Variants in PSME4 observed in about 807,000 individuals in gnomAD.
The protein encoded by PSME4 is proteasome activator complex subunit 4.
In PSME4, 89 loss-of-function variants were observed where a neutral mutation model predicts 253.9. The observed-to-expected ratio is 0.35, with a 90% CI of 0.30 to 0.42. PSME4 has a LOEUF of 0.42. Among genes scored for constraint, PSME4 ranks in the 10% least tolerant of loss-of-function variants. The probability of loss-of-function intolerance (pLI) is 1.00; values close to 1 mark genes in which losing one functional copy is unlikely to be tolerated. For missense variants in PSME4, 2,014 were observed against 2,195.2 expected (o/e 0.92, Z 1.65); for synonymous variants, 851 against 759.2 (o/e 1.12, Z -1.99).
At chr2:53,877,362 A>G (rs1679184791) in intron 41 of PSME4, among the ~76,000 whole-genome samples, 1 of 151,890 alleles carries the variant, frequency 6.6e-6, no homozygotes, top group Non-Finnish European at 1.5e-5. Context: ...ACAGTGAGCT[A>G]TGATCACAGC....
chr2:53,895,575 T>G lies in PSME4; in HGVS notation c.3842+8A>C. ...ATTTAATGATAAGGTGCACAGTAAGTTACTTACTTTGGCCAGGTGTAGTAT... is the reference window on the plus strand; with the variant it reads ...ATTTAATGATAAGGTGCACAGTAAGGTACTTACTTTGGCCAGGTGTAGTAT... On this transcript the variant is annotated splice_region_variant and intron_variant, in intron 33 of 46. Transcript: ENST00000404125. 1 of 1,603,738 alleles carries G rather than the reference T, an allele frequency of 6.2e-7. No homozygotes were observed. Among genetic ancestry groups the G allele is most frequent in the South Asian group, 1.1e-5 (1 of 88,776 alleles).
At chr2:53,923,730 C>T (rs191562589) in intron 14 of PSME4, among the ~76,000 whole-genome samples, 37 of 151,988 alleles carry the variant, frequency 2.4e-4, no homozygotes, top group African/African-American at 8.7e-4. Flanking sequence ...CAAGACCAGC[C>T]TGGCCAACAT....
rs377456184 is a variant in PSME4, at chr2:53,885,724, G to C, written c.4781C>G (p.Thr1594Arg). Residue 1594 changes from threonine (T) to arginine (R), a missense_variant, in exon 41 of 47, where the codon ACA becomes AGA. Thr to Arg is a moderately conservative substitution (Grantham distance 71). Around this residue, in one of 4 missense-constraint regions of PSME4, gnomAD observed 403 missense variants for 556.1 expected, o/e 0.72. Coordinates refer to ENST00000404125, the MANE Select transcript of PSME4 (RefSeq NM_014614.3). ...SAGRSFSTAVTEQLQLLPLFF... is the reference protein window; with the variant it reads ...SAGRSFSTAVREQLQLLPLFF... ...CAAAGGTAGAAGCTGAAGTTGTTCT[G>C]TAACTGCTGTAGAAAAGGATCTTCC... The C allele has an allele frequency of 1.9e-6, 3 of 1,612,972 alleles. No individual in the cohort carries two copies. The African/African-American group carries it at 4.0e-5, about 22-fold the overall frequency.
chr2:53,916,824 A>T (rs1231330205), intron 20 of PSME4, among the ~76,000 whole-genome samples: 1 of 152,166 alleles, frequency 6.6e-6, no homozygotes, highest in African/African-American at 2.4e-5. Flanking sequence ...AGCTGAAGGT[A>T]ATGCTAGTTA....
intron 43 of PSME4, among the ~76,000 whole-genome samples, chr2:53,872,684 G>C (rs1487409806): frequency 7.4e-6 from 1 of 135,058 alleles, no homozygotes; most frequent in African/African-American, 2.8e-5. Context: ...AGAGGCTGCA[G>C]TGAGCCATAA....
At chr2:53,887,727 T>A in intron 39 of PSME4, 131 bp downstream of exon 39, 3 of 1,209,204 alleles carry the variant, frequency 2.5e-6, no homozygotes, top group Non-Finnish European at 3.4e-6. Context: ...CACGACACAA[T>A]AGCAAACAAT....
At chr2:53,890,066 T>A (rs753774664) in intron 37 of PSME4, 38 bp downstream of exon 37, 1 of 1,433,578 alleles carries the variant, frequency 7.0e-7, no homozygotes, top group East Asian at 2.3e-5. Context: ...ACAGTTTGAA[T>A]AGATCAGTTA....
At chr2:53,965,192 C>T (rs894615671) in intron 1 of PSME4, among the ~76,000 whole-genome samples, 1 of 152,008 alleles carries the variant, frequency 6.6e-6, no homozygotes, top group Non-Finnish European at 1.5e-5. Context: ...CCCGCCCTTT[C>T]CTCCAGACCA....
chr2:53,891,124 T>C (rs1489568464), intron 36 of PSME4, among the ~76,000 whole-genome samples: 2 of 152,242 alleles, frequency 1.3e-5, no homozygotes, highest in Admixed American at 1.3e-4. Flanking sequence ...AATCAAGTTT[T>C]CCATGTTTAT....
chr2:53,915,992 T>G lies in PSME4; in HGVS notation c.2516+3159A>C, dbSNP rs552710969. Among the ~76,000 whole-genome samples, 129 of 152,234 alleles carry G rather than the reference T, an allele frequency of 8.5e-4. 1 individual carries two copies. Among genetic ancestry groups the G allele is most frequent in the African/African-American group, 3.0e-3 (124 of 41,542 alleles). On this transcript the variant is annotated intron_variant, in intron 20 of 46. Coordinates refer to ENST00000404125, the MANE Select transcript of PSME4 (RefSeq NM_014614.3). ...TGAGAATGTGAGGCAGGATAATCGC[T>G]TGAACCCGGAAGGCAGAGGTTGCAG...
At chr2:53,963,958 A>G (rs1406293070) in intron 1 of PSME4, among the ~76,000 whole-genome samples, 1 of 152,206 alleles carries the variant, frequency 6.6e-6, no homozygotes, top group African/African-American at 2.4e-5. Context: ...GAGTTAATTA[A>G]GTGAAGATAG....
At position 53,897,751 on chromosome 2, in the gene PSME4, A is replaced by T. The variant is rs539883828; in HGVS notation, c.3606+119T>A. On this transcript the variant is annotated intron_variant, in intron 31 of 46. Transcript: ENST00000404125. ...CTCTGAATCAACAGGGGGAGATTTC[A>T]AATCAATACACTTCAAGATATTTAT... 7.6e-6 allele frequency: 9 copies of T among 1,180,978 alleles called. No individual in the cohort carries two copies. In the African/African-American group the frequency reaches 1.2e-4, roughly 16 times the overall value. 73.2% of individuals were successfully genotyped at this position (1,180,978 alleles called of 1,614,324 possible).
At chr2:53,936,967 T>G in intron 5 of PSME4, 140 bp from the exon 6 acceptor site, 1 of 589,090 alleles carries the variant, frequency 1.7e-6, no homozygotes, top group East Asian at 3.0e-5. Flanking sequence ...GTTATAAACT[T>G]AATAAAACAA....
chr2:53,925,406 A>C, intron 14 of PSME4, 133 bp downstream of exon 14: 1 of 897,890 alleles, frequency 1.1e-6, no homozygotes. Flanking sequence ...GAGCAACTGT[A>C]CATTTCTTTA....
At chr2:53,940,937 A>G (rs56151149) in intron 3 of PSME4, among the ~76,000 whole-genome samples, 4 of 48,552 alleles carry the variant, frequency 8.2e-5, no homozygotes, top group African/African-American at 3.0e-4. Flanking sequence ...TAATACATAT[A>G]TAAATATATA....
intron 1 of PSME4, among the ~76,000 whole-genome samples, chr2:53,950,377 T>C (rs762177460): frequency 1.3e-5 from 2 of 152,198 alleles, no homozygotes; most frequent in Non-Finnish European, 2.9e-5. Context: ...TGCTCTCTTA[T>C]TGTAAACAAG....
chr2:53,893,349 T>C (rs759098914), intron 35 of PSME4, among the ~76,000 whole-genome samples: 5 of 152,184 alleles, frequency 3.3e-5, no homozygotes, highest in Non-Finnish European at 7.3e-5. Flanking sequence ...TACCAAAATG[T>C]TCAAGTCCAT....
At chr2:53,904,301 A>G (rs1680546778) in intron 26 of PSME4, 145 bp from the exon 27 acceptor site, 1 of 824,076 alleles carries the variant, frequency 1.2e-6, no homozygotes, top group Admixed American at 3.0e-5. Context: ...CTAAAAAAGA[A>G]GTAAATGATT....
chr2:53,945,532 T>C (rs1326312801), intron 3 of PSME4, among the ~76,000 whole-genome samples: 4 of 151,436 alleles, frequency 2.6e-5, no homozygotes, highest in Non-Finnish European at 5.9e-5. Context: ...GAAACAAGGA[T>C]AGGAAAGGGG....
Sources: allele counts gnomAD v4.1 joint callset (sites outside exome capture counted in the v4.1 genomes callset), GRCh38; gene constraint gnomAD v4.1.1; regional missense constraint gnomAD v4.1.1; transcripts MANE v1.5; gene names NCBI Gene and HGNC (gene_info 2026-07-23, HGNC 2026-07-21).